Variants in ACTR3C observed in about 807,000 individuals in gnomAD.
The protein encoded by ACTR3C is actin-related protein 3C.
A neutral mutation model predicts 26.3 loss-of-function variants in ACTR3C; 18 were observed. That is an observed-to-expected ratio of 0.68 (90% CI 0.47 to 1.01). The LOEUF is 1.01. Ranked by LOEUF, ACTR3C falls within the 50% of genes least tolerant of loss-of-function variation. The pLI, the probability that ACTR3C is intolerant of heterozygous loss-of-function variation, is 0.00. For missense variants in ACTR3C, 184 were observed against 250.7 expected (o/e 0.73, Z 1.80); for synonymous variants, 55 against 94.5 (o/e 0.58, Z 2.42).
At chr7:150,238,170 G>C in the ACTR3C span, among the ~76,000 whole-genome samples, 1 of 144,518 alleles carries the variant, frequency 6.9e-6, no homozygotes, top group Non-Finnish European at 1.5e-5. Flanking sequence ...ATTAGAACTA[G>C]AAGGGGCCTC....
the ACTR3C span, among the ~76,000 whole-genome samples, chr7:150,198,766 C>T: frequency 6.9e-6 from 1 of 145,164 alleles, no homozygotes. Flanking sequence ...GGGGGGTCAG[C>T]CCCCCGCCTG....
the ACTR3C span, among the ~76,000 whole-genome samples, chr7:150,068,853 G>T: frequency 1.3e-5 from 2 of 150,390 alleles, no homozygotes; most frequent in Non-Finnish European, 3.0e-5. Flanking sequence ...GATACCCAAT[G>T]ATAAACAATG....
the ACTR3C span, among the ~76,000 whole-genome samples, chr7:149,987,143 A>T: frequency 6.7e-6 from 1 of 149,198 alleles, no homozygotes; most frequent in South Asian, 2.2e-4. Flanking sequence ...TGCAACTCAC[A>T]AAATTCTTAC....
the ACTR3C span, among the ~76,000 whole-genome samples, chr7:150,037,025 A>G: frequency 1.1e-5 from 1 of 87,992 alleles, no homozygotes; most frequent in Non-Finnish European, 2.5e-5. Context: ...ACCAACAGCC[A>G]GGGGCGGAAG....
Position 150,323,489 on chromosome 7 carries a change from C to G in ACTR3C, c.-72G>C. 2 of 419,958 alleles carry G rather than the reference C, an allele frequency of 4.8e-6. No homozygotes were observed. Among genetic ancestry groups the G allele is most frequent in the Non-Finnish European group, 9.4e-6 (2 of 212,992 alleles). 26.0% of individuals were successfully genotyped at this position (419,958 alleles called of 1,614,324 possible). On this transcript the variant is annotated 5_prime_UTR_variant, in exon 1 of 8. Transcript: ENST00000683684. ...CTTACCTGCCGAGGAGGCGCCGGCT[C>G]TGCGGTGCGGAGTTGCGCCGGACTT...
At chr7:150,233,875 C>A in the ACTR3C span, among the ~76,000 whole-genome samples, 5 of 152,004 alleles carry the variant, frequency 3.3e-5, no homozygotes, top group African/African-American at 1.2e-4. Flanking sequence ...TGCTTTTTTT[C>A]ATACCTTAAA....
At chr7:150,024,685 C>T in the ACTR3C span, among the ~76,000 whole-genome samples, 7 of 138,118 alleles carry the variant, frequency 5.1e-5, no homozygotes, top group South Asian at 2.7e-4. Flanking sequence ...AAACACCACA[C>T]TTGCGTGCAA....
the ACTR3C span, among the ~76,000 whole-genome samples, chr7:149,915,949 T>C: frequency 6.6e-6 from 1 of 150,954 alleles, no homozygotes; most frequent in Non-Finnish European, 1.5e-5. Context: ...CCATCAAAAA[T>C]GAAGATGTAT....
chr7:150,291,922 C>T (rs1340536128), intron 3 of ACTR3C, among the ~76,000 whole-genome samples: 1 of 151,556 alleles, frequency 6.6e-6, no homozygotes, highest in Non-Finnish European at 1.5e-5. Flanking sequence ...ACAGGAAGGA[C>T]ACATAGCCAG....
chr7:149,972,539 C>G, the ACTR3C span, among the ~76,000 whole-genome samples: 1 of 152,264 alleles, frequency 6.6e-6, no homozygotes, highest in East Asian at 1.9e-4. Context: ...TCTCCAGCCT[C>G]TGGAGATGCA....
chr7:149,966,703 G>C, the ACTR3C span, among the ~76,000 whole-genome samples: 1 of 152,286 alleles, frequency 6.6e-6, no homozygotes, highest in Admixed American at 6.5e-5. Flanking sequence ...ACTAAGGAAC[G>C]ACCTTGAGGA....
the ACTR3C span, among the ~76,000 whole-genome samples, chr7:150,005,643 G>A: frequency 1.3e-5 from 2 of 152,072 alleles, no homozygotes; most frequent in South Asian, 4.1e-4. Flanking sequence ...AGGCAGGGCA[G>A]GGGGCCCTTT....
At chr7:150,159,715 G>A in the ACTR3C span, among the ~76,000 whole-genome samples, 1 of 152,164 alleles carries the variant, frequency 6.6e-6, no homozygotes, top group African/African-American at 2.4e-5. Flanking sequence ...ATTTTTCTAC[G>A]ATGCCTTGCA....
the ACTR3C span, among the ~76,000 whole-genome samples, chr7:150,165,201 A>G: frequency 6.6e-6 from 1 of 152,178 alleles, no homozygotes; most frequent in African/African-American, 2.4e-5. Flanking sequence ...CAAGCAAGTC[A>G]CTTACACTTT....
At chr7:149,915,247 T>C in the ACTR3C span, among the ~76,000 whole-genome samples, 2 of 150,864 alleles carry the variant, frequency 1.3e-5, no homozygotes, top group African/African-American at 5.0e-5. Context: ...ACTAAAGCAA[T>C]AAGGGAATTA....
At chr7:150,090,547 C>G in the ACTR3C span, among the ~76,000 whole-genome samples, 15 of 151,800 alleles carry the variant, frequency 9.9e-5, no homozygotes, top group Non-Finnish European at 1.9e-4. Flanking sequence ...TGGGCCTCCT[C>G]AGAGGCAAGT....
the ACTR3C span, among the ~76,000 whole-genome samples, chr7:150,039,947 G>T: frequency 2.3e-5 from 3 of 133,160 alleles, no homozygotes; most frequent in African/African-American, 7.9e-5. Context: ...GGGGAGGAAA[G>T]GGGGAGGTTC....
the ACTR3C span, among the ~76,000 whole-genome samples, chr7:150,111,842 C>A: frequency 6.7e-6 from 1 of 149,268 alleles, no homozygotes; most frequent in African/African-American, 2.5e-5. Flanking sequence ...TTTTTCTGCG[C>A]GGAGAAATCC....
At chr7:150,047,788 C>T in the ACTR3C span, 1 of 1,527,956 alleles carries the variant, frequency 6.5e-7, no homozygotes, top group Non-Finnish European at 8.8e-7. Flanking sequence ...TGACTCGCCT[C>T]CGGGGGCGTG....
Sources: gnomAD v4.1 joint callset for allele counts (sites outside exome capture counted in the v4.1 genomes callset) on GRCh38, gnomAD v4.1.1 for gene constraint, MANE v1.5 for transcripts, NCBI Gene and HGNC (gene_info 2026-07-23, HGNC 2026-07-21) for gene names.